GABBR2: variants seen among roughly 807,000 people sequenced by gnomAD.
GABBR2 encodes the protein gamma-aminobutyric acid type B receptor subunit 2, also known as G-protein coupled receptor 51.
GABBR2 carries 23 observed loss-of-function variants against 105.6 expected under a neutral mutation model. That is an observed-to-expected ratio of 0.22 (90% CI 0.16 to 0.31). The LOEUF is 0.31. Ranked by LOEUF, GABBR2 falls within the 10% of genes least tolerant of loss-of-function variation. GABBR2 has a pLI of 1.00. For missense variants in GABBR2, 734 were observed against 1,245.5 expected (o/e 0.59, Z 6.18); for synonymous variants, 478 against 499.7 (o/e 0.96, Z 0.58).
intron 3 of GABBR2, among the ~76,000 whole-genome samples, chr9:98,534,553 A>G (rs1408684305): frequency 2.0e-5 from 3 of 152,298 alleles, no homozygotes; most frequent in Admixed American, 1.3e-4. Flanking sequence ...CCTCCCAACA[A>G]CCCTAAGAGG....
chr9:98,388,199 T>G lies in GABBR2; in HGVS notation c.1529+655A>C, dbSNP rs1031754176. On this transcript the variant is annotated intron_variant, in intron 10 of 18. Transcript: ENST00000259455. This position sits in a 1 kb window ranked among gnomAD's most constrained non-coding sequence, Gnocchi z 4.4. ...CAGTCAGCCTCTCTCCTCTGGAGAA[T>G]TAAGGGCACGTGGTGGGGAAAAGAA... 3.3e-5 allele frequency among the ~76,000 whole-genome samples: 5 copies of G among 152,162 alleles called. No individual in the cohort carries two copies. Among genetic ancestry groups the G allele is most frequent in the African/African-American group, 4.8e-5 (2 of 41,450 alleles).
At chr9:98,459,791 C>T (rs190042755) in intron 6 of GABBR2, among the ~76,000 whole-genome samples, 3 of 152,250 alleles carry the variant, frequency 2.0e-5, no homozygotes, top group South Asian at 2.1e-4. Flanking sequence ...TCAGGGCAAA[C>T]CAAAATAGAT....
At chr9:98,524,917 T>C (rs1827930200) in intron 3 of GABBR2, among the ~76,000 whole-genome samples, 1 of 152,020 alleles carries the variant, frequency 6.6e-6, no homozygotes, top group African/African-American at 2.4e-5. Flanking sequence ...AATGAAGAAA[T>C]AATAATCTTT....
At chr9:98,324,408 C>T (rs978128937) in intron 13 of GABBR2, among the ~76,000 whole-genome samples, 3 of 152,148 alleles carry the variant, frequency 2.0e-5, no homozygotes, top group South Asian at 2.1e-4. Context: ...CCCGGGTTCT[C>T]CTCTGAGAAA....
At chr9:98,570,662 A>G (rs188371956) in intron 2 of GABBR2, among the ~76,000 whole-genome samples, 2 of 152,228 alleles carry the variant, frequency 1.3e-5, no homozygotes, top group East Asian at 1.9e-4. Context: ...ACTGCCCCAA[A>G]AACTGCAAAC....
chr9:98,353,045 A>C (rs991054955), intron 13 of GABBR2, among the ~76,000 whole-genome samples: 3 of 152,092 alleles, frequency 2.0e-5, no homozygotes, highest in African/African-American at 7.2e-5. Context: ...AATCCTCTGG[A>C]AAATGCAGTT....
intron 11 of GABBR2, among the ~76,000 whole-genome samples, chr9:98,382,251 G>A (rs1258220240): frequency 6.6e-6 from 1 of 152,156 alleles, no homozygotes; most frequent in Non-Finnish European, 1.5e-5. Flanking sequence ...TCAACCTGGG[G>A]AACAAGGCAA....
intron 1 of GABBR2, among the ~76,000 whole-genome samples, chr9:98,585,422 A>G (rs1286375779): frequency 6.8e-6 from 1 of 147,178 alleles, no homozygotes; most frequent in Non-Finnish European, 1.5e-5. Flanking sequence ...GTTCTCACTC[A>G]TAGGTGGGAA....
intron 8 of GABBR2, among the ~76,000 whole-genome samples, chr9:98,397,167 T>C (rs1832307795): frequency 6.6e-6 from 1 of 152,176 alleles, no homozygotes; most frequent in Non-Finnish European, 1.5e-5. Context: ...GTTGAGTGCC[T>C]ACTGCATGCC....
chr9:98,644,663 G>A lies in GABBR2; in HGVS notation c.321+63754C>T, dbSNP rs368977061. 3.1e-4 allele frequency among the ~76,000 whole-genome samples: 47 copies of A among 152,148 alleles called. 2 individuals are homozygous for A. The South Asian group carries it at 8.5e-3, about 28-fold the overall frequency. ...TCGAGACCAGCTTGGCCAACATAGC[G>A]AAACCCCATCTCTACTAAAAACACA... On this transcript the variant is annotated intron_variant, in intron 1 of 18. Transcript: ENST00000259455.
At chr9:98,335,089 A>G (rs1346163192) in intron 13 of GABBR2, among the ~76,000 whole-genome samples, 2 of 152,212 alleles carry the variant, frequency 1.3e-5, no homozygotes, top group African/African-American at 4.8e-5. Context: ...TCCCATTGCA[A>G]TGAACAATGC....
intron 4 of GABBR2, among the ~76,000 whole-genome samples, chr9:98,484,559 C>T (rs1827001922): frequency 6.6e-6 from 1 of 151,892 alleles, no homozygotes; most frequent in African/African-American, 2.4e-5. Context: ...TGGGGAGAGG[C>T]CAAACGGGGG....
At chr9:98,677,786 C>G (rs970920261) in intron 1 of GABBR2, among the ~76,000 whole-genome samples, 1 of 152,092 alleles carries the variant, frequency 6.6e-6, no homozygotes, top group East Asian at 1.9e-4. Flanking sequence ...CAGTGGCTCT[C>G]CCTCCAGCCT....
chr9:98,557,292 G>A (rs1828603041), intron 2 of GABBR2, among the ~76,000 whole-genome samples: 1 of 151,988 alleles, frequency 6.6e-6, no homozygotes, highest in African/African-American at 2.4e-5. Flanking sequence ...TCCAGTCTAC[G>A]CAGGGGGTGT....
In GABBR2 at chr9:98,331,939, AG is replaced by A. The variant is rs1165399305; in HGVS notation, c.1894-20735del. 6.6e-5 allele frequency among the ~76,000 whole-genome samples: 10 copies of A among 152,360 alleles called. 1 individual carries two copies. The East Asian group carries it at 1.7e-3, about 26-fold the overall frequency. On this transcript the variant is annotated intron_variant, in intron 13 of 18. Transcript: ENST00000259455. The stretch of plus-strand genomic sequence containing the variant: ...GTGAGGACAATACACATGGACAAAA[AG>A]GTAGCAAAGAGCCTTGATCACAGAC...
chr9:98,531,823 A>G (rs1312322788), intron 3 of GABBR2, among the ~76,000 whole-genome samples: 1 of 152,222 alleles, frequency 6.6e-6, no homozygotes, highest in Non-Finnish European at 1.5e-5. Context: ...CAGAGTTTCA[A>G]GGAGAAGTCT....
intron 13 of GABBR2, among the ~76,000 whole-genome samples, chr9:98,324,493 GACACACACACACACACACACACACAC>G (rs3983548): frequency 3.5e-5 from 5 of 143,276 alleles, no homozygotes; most frequent in East Asian, 2.0e-4. Flanking sequence ...CTACAGAGCC[GACACACACACACACACACACACACAC>G]ACACACACAC....
intron 3 of GABBR2, among the ~76,000 whole-genome samples, chr9:98,512,436 G>A (rs1294097037): frequency 6.6e-6 from 1 of 151,188 alleles, no homozygotes; most frequent in Admixed American, 6.6e-5. Flanking sequence ...GGAAATAAAG[G>A]GTATTCAATT....
chr9:98,543,896 A>G (rs530403027), intron 2 of GABBR2, among the ~76,000 whole-genome samples: 3 of 151,620 alleles, frequency 2.0e-5, no homozygotes, highest in African/African-American at 7.3e-5. Flanking sequence ...ATGAGGATGA[A>G]TTTATCAGTT....
Sources: allele counts gnomAD v4.1 joint callset (sites outside exome capture counted in the v4.1 genomes callset), GRCh38; gene constraint gnomAD v4.1.1; non-coding constraint Gnocchi (gnomAD v3.1); transcripts MANE v1.5; gene names NCBI Gene and HGNC (gene_info 2026-07-23, HGNC 2026-07-21).